The following TEX9 variants were observed in gnomAD, a reference collection of about 807,000 sequenced individuals.
The protein encoded by TEX9 is testis-expressed protein 9.
Under a neutral mutation model 59.6 loss-of-function variants are expected in TEX9, and 74 were observed. The observed-to-expected ratio is 1.24, with a 90% CI of 1.03 to 1.51. The LOEUF (loss-of-function observed/expected upper bound fraction) is 1.51. Ranked by LOEUF, TEX9 falls within the 40% of genes most tolerant of loss-of-function variation. The pLI, the probability that TEX9 is intolerant of heterozygous loss-of-function variation, is 0.00. For synonymous variants in TEX9, 186 were observed against 152.2 expected (o/e 1.22, Z -1.64); for missense variants, 522 against 447.8 (o/e 1.17, Z -1.49).
chr15:56,383,924 A>T, intron 3 of TEX9, 28 bp from the exon 4 acceptor site: 1 of 1,554,720 alleles, frequency 6.4e-7, no homozygotes. Flanking sequence ...TTTCTATATG[A>T]TATATTACCT....
chr15:56,321,239 C>T (rs2045894726), intron 1 of TEX9, among the ~76,000 whole-genome samples: 1 of 151,972 alleles, frequency 6.6e-6, no homozygotes, highest in African/African-American at 2.4e-5. Context: ...ACATTTAAAC[C>T]CCCTTGTCCC....
chr15:56,273,960 C>T (rs530980137), intron 1 of TEX9, among the ~76,000 whole-genome samples: 4 of 152,244 alleles, frequency 2.6e-5, no homozygotes, highest in African/African-American at 7.2e-5. Context: ...CTGACCTTCT[C>T]GTATCTGTGG....
intron 1 of TEX9, among the ~76,000 whole-genome samples, chr15:56,324,250 G>A (rs2554290): frequency 0.032 from 4,786 of 150,534 alleles, 183 homozygotes; most frequent in East Asian, 0.096. Flanking sequence ...TTTTTTATCC[G>A]TTAAAAAAAA....
intron 2 of TEX9, among the ~76,000 whole-genome samples, chr15:56,367,932 G>A (rs1030096590): frequency 2.0e-5 from 3 of 152,036 alleles, no homozygotes; most frequent in African/African-American, 4.8e-5. Context: ...AATTCCCTTG[G>A]ATTTTTGATG....
chr15:56,401,306 A>AG, intron 9 of TEX9, among the ~76,000 whole-genome samples: 1 of 116,582 alleles, frequency 8.6e-6, no homozygotes, highest in African/African-American at 3.1e-5. Flanking sequence ...GCAAATTGAA[A>AG]GCAAAAAAAA....
intron 12 of TEX9, chr15:56,444,461 G>C (rs1383414696): frequency 3.7e-6 from 6 of 1,606,562 alleles, no homozygotes; most frequent in African/African-American, 2.7e-5. Flanking sequence ...CTTCTTCATA[G>C]ATCTTCCTAA....
chr15:56,373,651 G>A (rs2047293400), intron 3 of TEX9, 147 bp downstream of exon 3: 4 of 603,982 alleles, frequency 6.6e-6, no homozygotes, highest in Non-Finnish European at 1.1e-5. Flanking sequence ...GAATATATAT[G>A]CATAGGTATA....
chr15:56,269,985 A>C (rs1227831392), intron 1 of TEX9, among the ~76,000 whole-genome samples: 14 of 152,018 alleles, frequency 9.2e-5, no homozygotes, highest in Admixed American at 2.0e-4. Context: ...CTGAGTTCTA[A>C]TTTGATTGCA....
intron 12 of TEX9, among the ~76,000 whole-genome samples, chr15:56,436,305 C>G (rs1232319963): frequency 3.3e-5 from 5 of 152,198 alleles, no homozygotes; most frequent in African/African-American, 1.2e-4. Context: ...AAGAAACTCA[C>G]TCAAAACCGC....
chr15:56,320,357 G>A (rs2045875001), intron 1 of TEX9, among the ~76,000 whole-genome samples: 3 of 152,186 alleles, frequency 2.0e-5, no homozygotes, highest in African/African-American at 7.2e-5. Flanking sequence ...AGTTCTGGAG[G>A]CTGGAAAGTC....
chr15:56,327,022 C>T (rs1424078272), intron 1 of TEX9, among the ~76,000 whole-genome samples: 1 of 152,032 alleles, frequency 6.6e-6, no homozygotes, highest in African/African-American at 2.4e-5. Flanking sequence ...ACCACCTGTT[C>T]CCCAAAAACT....
intron 12 of TEX9, among the ~76,000 whole-genome samples, chr15:56,441,319 C>T (rs1429636044): frequency 2.0e-5 from 3 of 151,640 alleles, no homozygotes; most frequent in East Asian, 1.9e-4. Context: ...TGATCTATCT[C>T]GGTGAAGGTT....
intron 6 of TEX9, among the ~76,000 whole-genome samples, chr15:56,390,988 A>C (rs1048074909): frequency 1.3e-5 from 2 of 152,096 alleles, no homozygotes; most frequent in Non-Finnish European, 2.9e-5. Flanking sequence ...CATAAAAACC[A>C]AAAATCTGCT....
Position 56,388,611 on chromosome 15 carries a change from A to G in TEX9, c.312+91A>G, listed in dbSNP as rs575123152. ...TTCTTAGACAAAGCAGAGAAGGGGT[A>G]TGACTCAACAGAAATAGAATATGAA... On this transcript the variant is annotated intron_variant, in intron 5 of 12. Coordinates refer to ENST00000352903, the Ensembl canonical transcript of TEX9. The G allele has an allele frequency of 1.1e-5, 12 of 1,053,044 alleles. No individual in the cohort carries two copies. The East Asian group carries it at 2.6e-4, about 23-fold the overall frequency. 65.2% of individuals were successfully genotyped at this position (1,053,044 alleles called of 1,614,324 possible). A position where few individuals can be genotyped will look rare whatever the true frequency, so the allele number is the denominator to read the frequency against.
intron 1 of TEX9, among the ~76,000 whole-genome samples, chr15:56,356,055 T>G (rs1441440996): frequency 6.6e-6 from 1 of 152,126 alleles, no homozygotes; most frequent in Non-Finnish European, 1.5e-5. Context: ...GTCTGGTATT[T>G]TCTAAGTACA....
chr15:56,325,510 A>G (rs2046002500), intron 1 of TEX9, among the ~76,000 whole-genome samples: 1 of 152,258 alleles, frequency 6.6e-6, no homozygotes, highest in African/African-American at 2.4e-5. Flanking sequence ...TTTCTATGAT[A>G]CCATATTTTT....
chr15:56,451,352 G>C, the TEX9 span, among the ~76,000 whole-genome samples: 1 of 152,208 alleles, frequency 6.6e-6, no homozygotes, highest in African/African-American at 2.4e-5. Flanking sequence ...TGAGGAAAGG[G>C]CAAGTGAAGA....
intron 9 of TEX9, among the ~76,000 whole-genome samples, chr15:56,400,882 G>C (rs2048733728): frequency 6.6e-6 from 1 of 152,074 alleles, no homozygotes; most frequent in East Asian, 1.9e-4. Context: ...GCCAAACTAA[G>C]CTTCATAAGT....
At chr15:56,340,489 A>G (rs1357445416) in intron 1 of TEX9, among the ~76,000 whole-genome samples, 1 of 152,122 alleles carries the variant, frequency 6.6e-6, no homozygotes, top group Non-Finnish European at 1.5e-5. Flanking sequence ...TTTCCATTTC[A>G]TTTAAAATAA....
Sources: allele counts gnomAD v4.1 joint callset (sites outside exome capture counted in the v4.1 genomes callset), GRCh38; gene constraint gnomAD v4.1.1; transcripts MANE v1.5; gene names NCBI Gene and HGNC (gene_info 2026-07-23, HGNC 2026-07-21).